Variants in TRPM3 observed in about 807,000 individuals in gnomAD.
TRPM3 encodes the protein transient receptor potential cation channel subfamily M member 3.
A neutral mutation model predicts 181.2 loss-of-function variants in TRPM3; 77 were observed. The ratio of observed to expected loss-of-function variants is 0.42; its 90% CI spans 0.35 to 0.51. TRPM3 has a LOEUF of 0.51. TRPM3 is among the 20% of genes least tolerant of loss of function. TRPM3 has a pLI of 0.01. For missense variants in TRPM3, 1,759 were observed against 2,196.7 expected (o/e 0.80, Z 3.98); for synonymous variants, 745 against 796.4 (o/e 0.94, Z 1.09).
rs185865700 is a variant in TRPM3 at position 71,318,404 on chromosome 9, T to C, written c.183+128249A>G. Among the ~76,000 whole-genome samples, 7 of 152,316 alleles carry C rather than the reference T, an allele frequency of 4.6e-5. No homozygotes were observed. In the South Asian group the frequency reaches 6.2e-4, roughly 14 times the overall value. On this transcript the variant is annotated intron_variant, in intron 1 of 24. Coordinates refer to the TRPM3 transcript ENST00000357533. ...ACTCTACATTGGGGATGAACTTTTA[T>C]TGCACATAATTAAAAAACAACAGAA...
intron 1 of TRPM3, among the ~76,000 whole-genome samples, chr9:71,281,640 A>G (rs2084714849): frequency 6.6e-6 from 1 of 152,186 alleles, no homozygotes; most frequent in Non-Finnish European, 1.5e-5. Flanking sequence ...TATACTTTTC[A>G]TATTATTTTA....
At chr9:70,776,310 C>A in intron 7 of TRPM3, 4 of 582,702 alleles carry the variant, frequency 6.9e-6, no homozygotes, top group South Asian at 2.3e-5. Flanking sequence ...ACTGTAAAGT[C>A]GAAGGAAGCT....
intron 1 of TRPM3, among the ~76,000 whole-genome samples, chr9:71,043,557 C>T (rs578238823): frequency 6.6e-6 from 1 of 152,290 alleles, no homozygotes; most frequent in Admixed American, 6.5e-5. Context: ...TTGGACTTTC[C>T]TCCATTTGCT....
At chr9:71,163,409 C>T (rs1379935997) in intron 1 of TRPM3, among the ~76,000 whole-genome samples, 1 of 152,000 alleles carries the variant, frequency 6.6e-6, no homozygotes, top group Admixed American at 6.6e-5. Flanking sequence ...GATTTAGTGA[C>T]TGAAGGGATA....
chr9:70,535,740 C>A lies in TRPM3; in HGVS notation c.*213G>T, dbSNP rs1395827978. On this transcript the variant is annotated 3_prime_UTR_variant, in exon 26 of 26. Coordinates refer to ENST00000677713, the MANE Select transcript of TRPM3 (RefSeq NM_001366145.2). ...TCCCTGCCCAGCAAGTGTGAACATG[C>A]CTTAAATCCCCTGTGTCTGGCACTG... 2.8e-6 allele frequency: 4 copies of A among 1,445,716 alleles called. No individual in the cohort carries two copies. The highest frequency in any genetic ancestry group is 3.6e-6 in the Non-Finnish European group (4 of 1,106,916). The allele number at this position is 1,445,716 out of a possible 1,614,324, so 89.6% of individuals were successfully genotyped here. A position where few individuals can be genotyped will look rare whatever the true frequency, so the allele number is the denominator to read the frequency against.
intron 1 of TRPM3, among the ~76,000 whole-genome samples, chr9:70,904,100 T>C (rs1043544392): frequency 1.3e-4 from 20 of 152,118 alleles, no homozygotes; most frequent in Admixed American, 2.0e-4. Flanking sequence ...TGCACACCTG[T>C]AGTCCCAACT....
At chr9:70,902,815 A>C (rs1318442554) in intron 1 of TRPM3, among the ~76,000 whole-genome samples, 1 of 152,232 alleles carries the variant, frequency 6.6e-6, no homozygotes, top group Non-Finnish European at 1.5e-5. Context: ...TTTTAGGGAA[A>C]GAGAAAGTTG....
intron 5 of TRPM3, among the ~76,000 whole-genome samples, chr9:70,833,245 T>A (rs1271936080): frequency 6.6e-6 from 1 of 152,176 alleles, no homozygotes; most frequent in Non-Finnish European, 1.5e-5. Context: ...GCGAGGGCAG[T>A]TTGATGACCT....
intron 1 of TRPM3, among the ~76,000 whole-genome samples, chr9:71,278,542 A>G (rs1364437545): frequency 6.6e-6 from 1 of 152,264 alleles, no homozygotes; most frequent in Admixed American, 6.5e-5. Context: ...ATTCTTAAAC[A>G]GTATAGGTTA....
chr9:71,221,486 T>C (rs1405322447), intron 1 of TRPM3, among the ~76,000 whole-genome samples: 1 of 152,212 alleles, frequency 6.6e-6, no homozygotes, highest in Non-Finnish European at 1.5e-5. Flanking sequence ...AATTTTATGT[T>C]TTTTAAAAAA....
rs1259994525 is a variant in TRPM3 at position 70,784,120 on chromosome 9, T to C, written c.1133A>G (p.Tyr378Cys). 2 of 1,613,226 alleles carry C rather than the reference T, an allele frequency of 1.2e-6. No individual in the cohort carries two copies. Among genetic ancestry groups the C allele is most frequent in the Non-Finnish European group, 1.7e-6 (2 of 1,179,592 alleles). Residue 378 changes from tyrosine to cysteine, a missense_variant, in exon 7 of 26, where the codon TAC becomes TGC. Transcript: ENST00000677713. ...AGTTACCTACCCGCCTTCTTCTGAG[T>C]ATTTATGCCCAAAGGCCAGGATGTC... ...ASDILAFGHKYSEEGGLINES... is the reference protein window; with the variant it reads ...ASDILAFGHKCSEEGGLINES...
rs76690960 is a variant in TRPM3, at chr9:70,989,012, C to G, written c.178-124501G>C. On this transcript the variant is annotated intron_variant, in intron 1 of 25. Transcript: ENST00000677713. ...GCAACTGGCTGACTTGATTTCAACT[C>G]TGTGATACCCTGAGCAGAACCCAAT... 6.7e-4 allele frequency among the ~76,000 whole-genome samples: 102 copies of G among 152,312 alleles called. 2 individuals are homozygous for G. In the East Asian group the frequency reaches 0.017, roughly 26 times the overall value.
At chr9:71,188,141 A>G (rs1649710531) in intron 1 of TRPM3, among the ~76,000 whole-genome samples, 1 of 151,852 alleles carries the variant, frequency 6.6e-6, no homozygotes, top group African/African-American at 2.4e-5. Flanking sequence ...TTCTGGAAGG[A>G]GACGTCCTAA....
At chr9:71,102,018 G>A (rs907533914) in intron 1 of TRPM3, among the ~76,000 whole-genome samples, 1 of 152,194 alleles carries the variant, frequency 6.6e-6, no homozygotes, top group African/African-American at 2.4e-5. Context: ...TGAAGGTGGA[G>A]TTCCAGCATG....
intron 1 of TRPM3, among the ~76,000 whole-genome samples, chr9:71,300,331 T>C (rs774387098): frequency 6.6e-6 from 1 of 152,148 alleles, no homozygotes; most frequent in South Asian, 2.1e-4. Flanking sequence ...GGGATGCTGC[T>C]GATTAATGGG....
chr9:71,286,949 AT>A (rs2085325338), intron 1 of TRPM3, among the ~76,000 whole-genome samples: 2 of 142,664 alleles, frequency 1.4e-5, no homozygotes, highest in South Asian at 2.1e-4. Context: ...TATAATTTAT[AT>A]TTTATATAAA....
At chr9:70,762,952 A>G (rs1188769768) in intron 7 of TRPM3, among the ~76,000 whole-genome samples, 1 of 152,148 alleles carries the variant, frequency 6.6e-6, no homozygotes, top group Non-Finnish European at 1.5e-5. Flanking sequence ...TTCCTTCAAC[A>G]TGAAAGCAAG....
At chr9:71,386,426 GGAC>G (rs2092924643) in intron 1 of TRPM3, among the ~76,000 whole-genome samples, 1 of 151,588 alleles carries the variant, frequency 6.6e-6, no homozygotes, top group Non-Finnish European at 1.5e-5. Context: ...TCCAGCCTGG[GGAC>G]AGAGCAAGAC....
rs1267689967 is a variant in TRPM3, at chr9:70,974,818, A to C, written c.178-110307T>G. Among the ~76,000 whole-genome samples the C allele has an allele frequency of 5.3e-5, 8 of 151,088 alleles. No individual in the cohort carries two copies. The East Asian group carries it at 1.6e-3, about 30-fold the overall frequency. On this transcript the variant is annotated intron_variant, in intron 1 of 25. Coordinates refer to ENST00000677713, the MANE Select transcript of TRPM3 (RefSeq NM_001366145.2). ...AATTGGAGTTATTTACACAAAGACA[A>C]CAATTCAATATTGATTACAGTTCCA...
Sources: allele counts gnomAD v4.1 joint callset (sites outside exome capture counted in the v4.1 genomes callset), GRCh38; gene constraint gnomAD v4.1.1; transcripts MANE v1.5; gene names NCBI Gene and HGNC (gene_info 2026-07-23, HGNC 2026-07-21).